The following SPAG6 variants were observed in gnomAD, a reference collection of about 807,000 sequenced individuals.
SPAG6 encodes sperm associated antigen 6.
In SPAG6, 49 loss-of-function variants were observed where a neutral mutation model predicts 58.5. The observed-to-expected ratio is 0.84, with a 90% CI of 0.67 to 1.06. The LOEUF (loss-of-function observed/expected upper bound fraction) is 1.06. Among genes scored for constraint, SPAG6 ranks in the 50% least tolerant of loss-of-function variants. The pLI is 0.00. For synonymous variants in SPAG6, 233 were observed against 225.6 expected (o/e 1.03, Z -0.29); for missense variants, 560 against 611.3 (o/e 0.92, Z 0.89).
chr10:22,369,699 G>C (rs887214220), intron 4 of SPAG6, among the ~76,000 whole-genome samples: 1 of 152,202 alleles, frequency 6.6e-6, no homozygotes, highest in African/African-American at 2.4e-5. Context: ...TCAGAGATTT[G>C]TTGTGAGGAT....
chr10:22,388,995 G>A (rs1834126591), intron 6 of SPAG6, among the ~76,000 whole-genome samples, 165 bp from the exon 7 acceptor site: 1 of 152,110 alleles, frequency 6.6e-6, no homozygotes, highest in South Asian at 2.1e-4. Context: ...GAACTAGCAG[G>A]TTTATTGTAC....
chr10:22,379,819 A>G (rs1425704860), intron 4 of SPAG6, among the ~76,000 whole-genome samples: 1 of 152,222 alleles, frequency 6.6e-6, no homozygotes, highest in Non-Finnish European at 1.5e-5. Context: ...TCTTTGAGAC[A>G]GGGTGTTGCT....
chr10:22,392,028 T>A, intron 8 of SPAG6, 108 bp downstream of exon 8: 1 of 715,256 alleles, frequency 1.4e-6, no homozygotes, highest in Non-Finnish European at 2.3e-6. Flanking sequence ...AGTCAAGAAA[T>A]ACAAATTTAT....
intron 9 of SPAG6, among the ~76,000 whole-genome samples, chr10:22,407,373 A>C (rs1453644419): frequency 1.3e-5 from 2 of 151,026 alleles, no homozygotes; most frequent in East Asian, 3.9e-4. Flanking sequence ...TCTGTAAAGT[A>C]TTTTATTTCT....
chr10:22,364,625 C>G (rs1277439918), intron 2 of SPAG6, among the ~76,000 whole-genome samples: 3 of 152,152 alleles, frequency 2.0e-5, no homozygotes, highest in African/African-American at 7.2e-5. Flanking sequence ...TACCTAAATC[C>G]AAAGCCTTTC....
chr10:22,406,769 T>A (rs1165488384), intron 9 of SPAG6, among the ~76,000 whole-genome samples: 1 of 152,092 alleles, frequency 6.6e-6, no homozygotes, highest in African/African-American at 2.4e-5. Flanking sequence ...TGTGTGGGAG[T>A]CTAAGTCTCT....
In SPAG6 at chr10:22,389,203, T is replaced by C. The variant is rs1276396641; in HGVS notation, c.896T>C (p.Ile299Thr). 1 of 1,613,514 alleles carries C rather than the reference T, an allele frequency of 6.2e-7. No individual in the cohort carries two copies. The highest frequency in any genetic ancestry group is 8.5e-7 in the Non-Finnish European group (1 of 1,179,742). Residue 299 changes from isoleucine (I) to threonine (T), a missense_variant, in exon 7 of 11, where the codon ATT (isoleucine) becomes ACT (threonine). Physicochemically the swap from Ile to Thr is moderately conservative, Grantham distance 89 (BLOSUM62 -1). Coordinates refer to ENST00000376624, the MANE Select transcript of SPAG6 (RefSeq NM_012443.4). ...VVNAGGVAAVIDCIGSCKGNT... is the reference protein window; with the variant it reads ...VVNAGGVAAVTDCIGSCKGNT... ...AACGCAGGAGGGGTTGCTGCCGTGA[T>C]TGACTGCATTGGGTCCTGCAAAGGG...
chr10:22,346,134 A>C, intron 2 of SPAG6: 2 of 1,372,228 alleles, frequency 1.5e-6, no homozygotes, highest in South Asian at 2.6e-5. Flanking sequence ...GACCCATTTT[A>C]TCCAAGTGCC....
At chr10:22,387,735 T>C in intron 5 of SPAG6, 88 bp from the exon 6 acceptor site, 1 of 1,232,622 alleles carries the variant, frequency 8.1e-7, no homozygotes, top group South Asian at 2.1e-5. Context: ...GGAATTTGAA[T>C]ATATATAAAA....
At chr10:22,406,558 G>A (rs542479572) in intron 9 of SPAG6, among the ~76,000 whole-genome samples, 252 of 152,184 alleles carry the variant, frequency 1.7e-3, no homozygotes, top group African/African-American at 5.6e-3. Context: ...TTACTTCCAA[G>A]TATGTGATCA....
At chr10:22,383,366 G>T (rs920138563) in intron 4 of SPAG6, among the ~76,000 whole-genome samples, 1 of 152,092 alleles carries the variant, frequency 6.6e-6, no homozygotes, top group African/African-American at 2.4e-5. Context: ...AAACCTGGGC[G>T]CAGTGGCTCA....
intron 4 of SPAG6, among the ~76,000 whole-genome samples, chr10:22,370,955 C>A (rs1833670551): frequency 6.6e-6 from 1 of 152,162 alleles, no homozygotes; most frequent in Non-Finnish European, 1.5e-5. Flanking sequence ...CAGGCAGGTG[C>A]CCCACAGATA....
intron 2 of SPAG6, among the ~76,000 whole-genome samples, chr10:22,357,408 T>C (rs1836898464): frequency 6.6e-6 from 1 of 152,128 alleles, no homozygotes; most frequent in Non-Finnish European, 1.5e-5. Context: ...CTTGAATGAA[T>C]TACTCATTCA....
At chr10:22,415,171 T>C (rs2130655869) in intron 10 of SPAG6, among the ~76,000 whole-genome samples, 1 of 152,024 alleles carries the variant, frequency 6.6e-6, no homozygotes, top group African/African-American at 2.4e-5. Context: ...ATTATTAATC[T>C]AATATCAATG....
chr10:22,370,704 A>C (rs906619833), intron 4 of SPAG6, among the ~76,000 whole-genome samples: 2 of 152,204 alleles, frequency 1.3e-5, no homozygotes, highest in African/African-American at 4.8e-5. Context: ...TTAAATTACA[A>C]ATTATTAAAT....
At chr10:22,398,648 G>C (rs1401787190) in intron 8 of SPAG6, among the ~76,000 whole-genome samples, 1 of 152,164 alleles carries the variant, frequency 6.6e-6, no homozygotes, top group Non-Finnish European at 1.5e-5. Flanking sequence ...AGTATTGCTT[G>C]AGCCCAAGAA....
intron 9 of SPAG6, among the ~76,000 whole-genome samples, chr10:22,404,907 G>T (rs1164215067): frequency 1.3e-5 from 2 of 152,114 alleles, no homozygotes; most frequent in African/African-American, 2.4e-5. Context: ...AAGCAATTGT[G>T]AATGGGAGTT....
intron 9 of SPAG6, among the ~76,000 whole-genome samples, chr10:22,403,754 G>A (rs372738691): frequency 6.8e-6 from 1 of 146,286 alleles, no homozygotes; most frequent in Non-Finnish European, 1.5e-5. Flanking sequence ...CCCACCAACA[G>A]TGTAAAAGTG....
intron 8 of SPAG6, among the ~76,000 whole-genome samples, chr10:22,399,716 A>G (rs1421956038): frequency 2.0e-5 from 3 of 152,196 alleles, no homozygotes; most frequent in Non-Finnish European, 4.4e-5. Flanking sequence ...TAACTTGACA[A>G]TACATCAACT....
Sources: allele counts gnomAD v4.1 joint callset (sites outside exome capture counted in the v4.1 genomes callset), GRCh38; gene constraint gnomAD v4.1.1; transcripts MANE v1.5; gene names NCBI Gene and HGNC (gene_info 2026-07-23, HGNC 2026-07-21).